LRRC4C: variants seen among roughly 807,000 people sequenced by gnomAD.
The protein encoded by LRRC4C is leucine rich repeat containing 4C, also known as leucine-rich repeat-containing protein 4C.
In LRRC4C, 5 loss-of-function variants were observed where a neutral mutation model predicts 33.6. The ratio of observed to expected loss-of-function variants is 0.15; its 90% confidence interval spans 0.08 to 0.31. The LOEUF is 0.31. LRRC4C is among the 10% of genes least tolerant of loss of function. The probability of loss-of-function intolerance (pLI) is 1.00; values close to 1 mark genes in which losing one functional copy is unlikely to be tolerated. For missense variants in LRRC4C, 560 were observed against 796.7 expected (o/e 0.70, Z 3.58); for synonymous variants, 329 against 302.0 (o/e 1.09, Z -0.93).
intron 5 of LRRC4C, among the ~76,000 whole-genome samples, chr11:40,177,434 C>G (rs1311446817): frequency 1.3e-5 from 2 of 152,104 alleles, no homozygotes; most frequent in African/African-American, 4.8e-5. Context: ...ATCTCTAGGT[C>G]TCCTACCTTC....
chr11:40,660,038 G>T (rs1943350943), intron 2 of LRRC4C, among the ~76,000 whole-genome samples: 1 of 152,204 alleles, frequency 6.6e-6, no homozygotes, highest in Non-Finnish European at 1.5e-5. Context: ...CCTCTCTGGG[G>T]CTCTGCAGTT....
intron 1 of LRRC4C, among the ~76,000 whole-genome samples, chr11:41,237,720 C>T (rs1438313589): frequency 1.3e-5 from 2 of 152,074 alleles, no homozygotes; most frequent in African/African-American, 4.8e-5. Context: ...AGGTGTTAGC[C>T]CCAATTCACG....
chr11:41,213,499 G>A (rs1438471713), intron 1 of LRRC4C, among the ~76,000 whole-genome samples: 5 of 152,162 alleles, frequency 3.3e-5, no homozygotes, highest in Non-Finnish European at 7.3e-5. Context: ...TAATATAACT[G>A]TATGTCTAGG....
At chr11:40,579,708 A>C (rs542991251) in intron 3 of LRRC4C, among the ~76,000 whole-genome samples, 1 of 152,090 alleles carries the variant, frequency 6.6e-6, no homozygotes, top group Admixed American at 6.6e-5. Flanking sequence ...CCAAAAAGGA[A>C]TCACCCTCCA....
At chr11:41,450,427 GA>G (rs1955981138) in intron 1 of LRRC4C, among the ~76,000 whole-genome samples, 1 of 152,102 alleles carries the variant, frequency 6.6e-6, no homozygotes, top group Admixed American at 6.6e-5. Flanking sequence ...AAAGGTAATA[GA>G]AAAAAGTAAC....
intron 3 of LRRC4C, among the ~76,000 whole-genome samples, chr11:40,393,325 G>A (rs1231258802): frequency 2.0e-5 from 3 of 152,042 alleles, no homozygotes; most frequent in Admixed American, 6.6e-5. Flanking sequence ...TAAGATTTAG[G>A]TAGTTAATTC....
chr11:40,980,712 T>C (rs448280), intron 1 of LRRC4C, among the ~76,000 whole-genome samples: 3,046 of 152,272 alleles, frequency 0.02, 117 homozygotes, highest in African/African-American at 0.07. Flanking sequence ...TTCATGACAG[T>C]TTGTGATATA....
intron 4 of LRRC4C, among the ~76,000 whole-genome samples, chr11:40,313,612 T>C (rs1216899252): frequency 3.0e-5 from 4 of 133,604 alleles, no homozygotes; most frequent in African/African-American, 5.7e-5. Flanking sequence ...TTTTTTTTTT[T>C]TTTTTTTTTT....
chr11:41,124,769 G>T (rs760786172), intron 1 of LRRC4C, among the ~76,000 whole-genome samples: 1 of 152,122 alleles, frequency 6.6e-6, no homozygotes, highest in Non-Finnish European at 1.5e-5. Context: ...GGAAGCAAAA[G>T]TTGGAAGACA....
intron 1 of LRRC4C, among the ~76,000 whole-genome samples, chr11:41,119,304 G>T (rs1447038862): frequency 6.6e-6 from 1 of 152,118 alleles, no homozygotes; most frequent in Non-Finnish European, 1.5e-5. Flanking sequence ...AGAGAAAAAA[G>T]GGGATGCAAA....
chr11:41,068,220 C>T (rs1263019123), intron 1 of LRRC4C, among the ~76,000 whole-genome samples: 1 of 152,068 alleles, frequency 6.6e-6, no homozygotes, highest in Non-Finnish European at 1.5e-5. Flanking sequence ...TGGTGAAACC[C>T]TGTGTCTATT....
intron 1 of LRRC4C, among the ~76,000 whole-genome samples, chr11:40,979,296 G>C (rs1386287249): frequency 6.6e-6 from 1 of 152,016 alleles, no homozygotes; most frequent in Non-Finnish European, 1.5e-5. Context: ...TTAAACTCTA[G>C]GGCCTAATAT....
At chr11:40,863,864 T>C (rs1397931845) in intron 2 of LRRC4C, among the ~76,000 whole-genome samples, 2 of 152,268 alleles carry the variant, frequency 1.3e-5, no homozygotes, top group Admixed American at 1.3e-4. Context: ...TTATTTAAGT[T>C]GTGTTCATGT....
intron 1 of LRRC4C, among the ~76,000 whole-genome samples, chr11:40,959,045 G>A (rs1175917704): frequency 6.6e-6 from 1 of 151,624 alleles, no homozygotes; most frequent in Non-Finnish European, 1.5e-5. Context: ...GTGGTTCTTG[G>A]TTCTGCTTTA....
intron 1 of LRRC4C, among the ~76,000 whole-genome samples, chr11:41,332,466 A>C (rs924289629): frequency 2.6e-5 from 4 of 152,252 alleles, no homozygotes; most frequent in African/African-American, 9.6e-5. Flanking sequence ...CAACTCTCTG[A>C]AGTTGTATAT....
chr11:41,432,112 G>A (rs1955259003), intron 1 of LRRC4C, among the ~76,000 whole-genome samples: 1 of 152,136 alleles, frequency 6.6e-6, no homozygotes, highest in African/African-American at 2.4e-5. Context: ...GAAAATTTGA[G>A]ACGAAAACAA....
At chr11:40,362,225 G>A (rs1947987793) in intron 3 of LRRC4C, among the ~76,000 whole-genome samples, 1 of 152,094 alleles carries the variant, frequency 6.6e-6, no homozygotes, top group African/African-American at 2.4e-5. Flanking sequence ...TGAGGAAGAT[G>A]CCAAAAGCAA....
intron 2 of LRRC4C, among the ~76,000 whole-genome samples, chr11:40,910,930 C>G (rs1291088751): frequency 6.6e-6 from 1 of 152,222 alleles, no homozygotes. Flanking sequence ...GTCCTACGCC[C>G]ATGGAGCCTC....
intron 2 of LRRC4C, among the ~76,000 whole-genome samples, chr11:40,879,068 G>A (rs1565162108): frequency 2.0e-5 from 3 of 152,066 alleles, no homozygotes; most frequent in Admixed American, 2.0e-4. Flanking sequence ...TAATAATACT[G>A]AGTACTCTCA....
Sources: allele counts gnomAD v4.1 joint callset (sites outside exome capture counted in the v4.1 genomes callset), GRCh38; gene constraint gnomAD v4.1.1; transcripts MANE v1.5; gene names NCBI Gene and HGNC (gene_info 2026-07-23, HGNC 2026-07-21).